Variants in SPTBN2 observed in about 807,000 individuals in gnomAD.
SPTBN2 encodes the protein spectrin beta, non-erythrocytic 2.
A neutral mutation model predicts 284.2 loss-of-function variants in SPTBN2; 107 were observed. That is an observed-to-expected ratio of 0.38 (90% CI 0.32 to 0.44). The LOEUF is 0.44. SPTBN2 is among the 20% of genes least tolerant of loss of function. The probability of loss-of-function intolerance (pLI) is 1.00; values close to 1 mark genes in which losing one functional copy is unlikely to be tolerated. For missense variants in SPTBN2, 2,569 were observed against 3,287.1 expected, an observed-to-expected ratio of 0.78 and a Z score of 5.34; for synonymous variants, 1,289 against 1,354.8, an observed-to-expected ratio of 0.95 and a Z score of 1.07.
chr11:66,693,329 T>C lies in SPTBN2; in HGVS notation c.4711A>G (p.Lys1571Glu). The C allele has an allele frequency of 1.9e-6, 3 of 1,611,114 alleles. No homozygotes were observed. The highest frequency in any genetic ancestry group is 2.7e-5 in the African/African-American group (2 of 75,068). ...PELAELQEMWKRLGHELELRG... is the reference protein window; with the variant it reads ...PELAELQEMWERLGHELELRG... ...AGTTCCAGCTCGTGGCCCAGGCGTT[T>C]CCACATTTCCTGCAGCTCAGCCAGC... is the stretch of plus-strand genomic sequence containing the variant. The change falls in exon 24 of 38, where the codon AAA becomes GAA. Residue 1571 changes from lysine to glutamate, a missense_variant. Physicochemically the swap from Lys to Glu is moderately conservative, Grantham distance 56 (BLOSUM62 1). This residue lies in a region of SPTBN2 where 1,130 missense variants were observed against 1,317.3 expected (regional missense o/e 0.86). Coordinates refer to ENST00000533211, the MANE Select transcript of SPTBN2 (RefSeq NM_006946.4). This position sits in a 1 kb window ranked among gnomAD's most constrained non-coding sequence, Gnocchi z 5.7.
At position 66,711,083 on chromosome 11, in the gene SPTBN2, CATCACTTACCCCAA is replaced by C. The variant is rs562303669; in HGVS notation, c.773-68_773-55del. ...CTCCCAGAAGTTCATCCATAACTTG[CATCACTTACCCCAA>C]ACCCTGGGCCTGCCCAGTCCTCCAA... On this transcript the variant is annotated intron_variant, in intron 8 of 37. Coordinates refer to ENST00000533211, the MANE Select transcript of SPTBN2 (RefSeq NM_006946.4). 1.6e-4 allele frequency: 234 copies of C among 1,455,300 alleles called. No homozygotes were observed. The African/African-American group carries it at 3.0e-3, about 19-fold the overall frequency. The allele number at this position is 1,455,300 out of a possible 1,614,324, so 90.1% of individuals were successfully genotyped here.
In SPTBN2 at chr11:66,700,767, C is replaced by A; in HGVS notation, c.3332G>T (p.Arg1111Leu). 6.2e-7 allele frequency: 1 copy of A among 1,602,108 alleles called. No homozygotes were observed. Among genetic ancestry groups the A allele is most frequent in the East Asian group, 2.2e-5 (1 of 44,872 alleles). Residue 1111 changes from arginine (R) to leucine (L), a missense_variant, in exon 17 of 38, where the codon CGG (arginine) becomes CTG (leucine). Arg to Leu is a moderately radical substitution (Grantham distance 102). Around this residue, in one of 6 missense-constraint regions of SPTBN2, gnomAD observed 1,012 missense variants for 1,248.9 expected, o/e 0.81. Coordinates refer to ENST00000533211, the MANE Select transcript of SPTBN2 (RefSeq NM_006946.4). The surrounding 1 kb of genome is among the most constrained non-coding windows in gnomAD (Gnocchi z 6.6). Reference protein sequence around the residue: ...EALLAQHAALRGEVERAQSEY... With the variant: ...EALLAQHAALLGEVERAQSEY... ...GCTCTGGGCCCGCTCCACCTCTCCC[C>A]GCAGGGCTGCATGTTGGGCCAGGAG... is the stretch of plus-strand genomic sequence containing the variant.
chr11:66,715,860 C>A lies in SPTBN2; in HGVS notation c.279G>T (p.Arg93Ser). ...TCTCTCCCGAGAGCACCTCGAGGAGCCTCAGCAGGTTGCGTCCGTCCCGGA... is the reference window on the plus strand; with the variant it reads ...TCTCTCCCGAGAGCACCTCGAGGAGACTCAGCAGGTTGCGTCCGTCCCGGA... Reference protein sequence around the residue: ...SDLRDGRNLLRLLEVLSGEIL... With the variant: ...SDLRDGRNLLSLLEVLSGEIL... Residue 93 changes from arginine (R) to serine (S), a missense_variant, in exon 4 of 38, where the codon AGG (arginine) becomes AGT (serine). By Grantham distance (110) the Arg-to-Ser change is moderately radical. This residue lies in a region of SPTBN2 where 304 missense variants were observed against 522.1 expected (regional missense o/e 0.58). Transcript: ENST00000533211. The surrounding 1 kb of genome is among the most constrained non-coding windows in gnomAD (Gnocchi z 5.3). The A allele has an allele frequency of 1.2e-6, 2 of 1,614,070 alleles. No homozygotes were observed. Among genetic ancestry groups the A allele is most frequent in the South Asian group, 1.1e-5 (1 of 91,056 alleles).
chr11:66,689,932 G>T lies in SPTBN2; in HGVS notation c.5822C>A (p.Ser1941Tyr). Residue 1941 changes from serine (S) to tyrosine (Y), a missense_variant, in exon 29 of 38, where the codon TCC becomes TAC. By Grantham distance (144) the Ser-to-Tyr change is moderately radical. Around this residue, in one of 6 missense-constraint regions of SPTBN2, gnomAD observed 1,130 missense variants for 1,317.3 expected, o/e 0.86. Transcript: ENST00000533211. ...DAQERPRDVS[S>Y]ADLVIKNQQG... ...CTGGTTCTTGATGACTAGATCCGCGGAGGACACATCCCTGGGGGGAGGCAG... is the reference window on the plus strand; with the variant it reads ...CTGGTTCTTGATGACTAGATCCGCGTAGGACACATCCCTGGGGGGAGGCAG... 1 of 1,613,990 alleles carries T rather than the reference G, an allele frequency of 6.2e-7. No homozygotes were observed. Among genetic ancestry groups the T allele is most frequent in the Non-Finnish European group, 8.5e-7 (1 of 1,179,998 alleles).
upstream of SPTBN2, among the ~76,000 whole-genome samples, chr11:66,729,660 A>C (rs1942766869): frequency 6.6e-6 from 1 of 152,054 alleles, no homozygotes; most frequent in East Asian, 1.9e-4. Context: ...TAGTCTATAA[A>C]ATGGGTTGGG....
chr11:66,690,851 CTT>C (rs1251977985), intron 27 of SPTBN2, among the ~76,000 whole-genome samples: 1 of 152,168 alleles, frequency 6.6e-6, no homozygotes, highest in Non-Finnish European at 1.5e-5. Context: ...GAGTTTCGCT[CTT>C]GTTGCCCAGG....
In SPTBN2 at chr11:66,688,285, C is replaced by T. The variant is rs1326076116; in HGVS notation, c.6258G>A (p.Lys2086=). The T allele has an allele frequency of 6.2e-7, 1 of 1,607,002 alleles. No individual in the cohort carries two copies. ...TALEEREKER[K]RKREEEERRK... ...GCCGCTCCTCCTCCTCCCTCTTTCT[C>T]TTTCGCTCCTTCTCCCGCTCCTCTA... Residue 2086 remains lysine (K), a synonymous_variant, in exon 32 of 38, where the codon AAG becomes AAA. Coordinates refer to ENST00000533211, the MANE Select transcript of SPTBN2 (RefSeq NM_006946.4).
intron 1 of SPTBN2, among the ~76,000 whole-genome samples, chr11:66,727,281 TTTG>T (rs1942652003): frequency 6.6e-6 from 1 of 152,156 alleles, no homozygotes; most frequent in South Asian, 2.1e-4. Context: ...GGAAAACTGG[TTTG>T]TTGCTACCTC....
Position 66,684,626 on chromosome 11 carries a change from C to A in SPTBN2, c.*1245G>T, listed in dbSNP as rs369992919. On this transcript the variant is annotated 3_prime_UTR_variant, in exon 38 of 38. Coordinates refer to ENST00000533211, the MANE Select transcript of SPTBN2 (RefSeq NM_006946.4). Reference sequence around the variant, plus strand: ...GTCCAGCTTGGCTGACAGAGTGAGACTCTGTCTCAAAAAAAAAAAAAAAAA... The same window carrying A: ...GTCCAGCTTGGCTGACAGAGTGAGAATCTGTCTCAAAAAAAAAAAAAAAAA... Among the ~76,000 whole-genome samples, 6 of 145,204 alleles carry A rather than the reference C, an allele frequency of 4.1e-5. No homozygotes were observed. Among genetic ancestry groups the A allele is most frequent in the East Asian group, 2.0e-4 (1 of 5,048 alleles).
At chr11:66,721,829 T>A (rs1299954680) in intron 1 of SPTBN2, among the ~76,000 whole-genome samples, 2 of 151,332 alleles carry the variant, frequency 1.3e-5, no homozygotes, top group East Asian at 4.0e-4. Flanking sequence ...GTGGATCACC[T>A]GAGGTCAGAA....
rs754076850 is a variant in SPTBN2 at position 66,685,849 on chromosome 11, T to C, written c.*22A>G. On this transcript the variant is annotated 3_prime_UTR_variant, in exon 38 of 38. Coordinates refer to ENST00000533211, the MANE Select transcript of SPTBN2 (RefSeq NM_006946.4). This position sits in a 1 kb window ranked among gnomAD's most constrained non-coding sequence, Gnocchi z 4.4. ...AGTTTCCTGAACGGAGGGAGGGAGT[T>C]GGCCTGGGACCTTGCCCCCAACTAC... is the stretch of plus-strand genomic sequence containing the variant. The C allele has an allele frequency of 4.4e-6, 7 of 1,608,936 alleles. No homozygotes were observed. The highest frequency in any genetic ancestry group is 6.0e-6 in the Non-Finnish European group (7 of 1,176,028).
chr11:66,712,757 T>C (rs1941937023), intron 8 of SPTBN2: 1 of 152,190 alleles, frequency 6.6e-6, no homozygotes, highest in African/African-American at 2.4e-5. Context: ...TGGAGTACTG[T>C]GGCTATTGAC....
Position 66,708,939 on chromosome 11 carries a change from G to A in SPTBN2, c.1154C>T (p.Thr385Met), listed in dbSNP as rs761216500. ...CGAGATGAGCCGGCCCTCGCGGGGC[G>A]TGTAGACCTTCTGGTTGTTGGCCCG... Reference protein sequence around the residue: ...KLRANNQKVYTPREGRLISDI... With the variant: ...KLRANNQKVYMPREGRLISDI... Residue 385 changes from threonine to methionine, a missense_variant, in exon 11 of 38, where the codon ACG (threonine) becomes ATG (methionine). This residue lies in a region of SPTBN2 where 304 missense variants were observed against 522.1 expected (regional missense o/e 0.58). Coordinates refer to ENST00000533211, the MANE Select transcript of SPTBN2 (RefSeq NM_006946.4). This position sits in a 1 kb window ranked among gnomAD's most constrained non-coding sequence, Gnocchi z 4.4. 1.9e-5 allele frequency: 30 copies of A among 1,613,936 alleles called. No homozygotes were observed. Among genetic ancestry groups the A allele is most frequent in the South Asian group, 5.5e-5 (5 of 91,076 alleles).
intron 1 of SPTBN2, among the ~76,000 whole-genome samples, chr11:66,736,494 C>G (rs1242739182): frequency 6.6e-6 from 1 of 152,192 alleles, no homozygotes; most frequent in Non-Finnish European, 1.5e-5. Context: ...TTCTCAATAC[C>G]TTTGAGTTTA....
At chr11:66,690,488 T>C in intron 27 of SPTBN2, 2 of 654,278 alleles carry the variant, frequency 3.1e-6, no homozygotes, top group Non-Finnish European at 5.1e-6. Flanking sequence ...ACACCTGGGC[T>C]TAACTGGGGG....
chr11:66,716,088 G>T, intron 3 of SPTBN2, 107 bp from the exon 4 acceptor site: 1 of 1,486,214 alleles, frequency 6.7e-7, no homozygotes, highest in Non-Finnish European at 9.3e-7. Context: ...GATGGGAAGC[G>T]GGGTCCTCTA....
At chr11:66,713,007 A>G (rs1331685707) in intron 8 of SPTBN2, 1 of 155,158 alleles carries the variant, frequency 6.4e-6, no homozygotes, top group Non-Finnish European at 1.4e-5. Context: ...CACCGTGGCC[A>G]GCAACATGTA....
Position 66,713,533 on chromosome 11 carries a change from G to A in SPTBN2, c.772+98C>T, listed in dbSNP as rs185332380. The A allele has an allele frequency of 6.9e-4, 610 of 885,036 alleles. 3 individuals are homozygous for A. The highest frequency in any genetic ancestry group is 9.9e-4 in the Non-Finnish European group (522 of 525,688). The allele number at this position is 885,036 out of a possible 1,614,324, so 54.8% of individuals were successfully genotyped here. ...CAAAGAAGCCCCTGTATCAGTTGGT[G>A]GTTACTCCATGTCTTCCCCCTCCGC... On this transcript the variant is annotated intron_variant, in intron 8 of 37. Coordinates refer to ENST00000533211, the MANE Select transcript of SPTBN2 (RefSeq NM_006946.4).
At position 66,710,707 on chromosome 11, in the gene SPTBN2, C is replaced by G. The variant is rs371571696; in HGVS notation, c.948G>C (p.Glu316Asp). The G allele has an allele frequency of 3.1e-6, 5 of 1,614,090 alleles. No homozygotes were observed. Among genetic ancestry groups the G allele is most frequent in the Non-Finnish European group, 4.2e-6 (5 of 1,180,040 alleles). Reference protein sequence around the residue: ...LVEKYESLASELLQWIEQTIV... With the variant: ...LVEKYESLASDLLQWIEQTIV... ...TCGTTTGCTCGATCCACTGCAGCAG[C>G]TCCGAGGCCAGGGACTCGTATTTCT... The change falls in exon 10 of 38, where the codon GAG becomes GAC. Residue 316 changes from glutamate to aspartate, a missense_variant. Around this residue, in one of 6 missense-constraint regions of SPTBN2, gnomAD observed 304 missense variants for 522.1 expected, o/e 0.58. Coordinates refer to ENST00000533211, the MANE Select transcript of SPTBN2 (RefSeq NM_006946.4). This position sits in a 1 kb window ranked among gnomAD's most constrained non-coding sequence, Gnocchi z 4.9.
Sources: gnomAD v4.1 joint callset for allele counts (sites outside exome capture counted in the v4.1 genomes callset) on GRCh38, gnomAD v4.1.1 for gene constraint, gnomAD v4.1.1 regional missense constraint, Gnocchi (gnomAD v3.1) non-coding constraint, MANE v1.5 for transcripts, NCBI Gene and HGNC (gene_info 2026-07-23, HGNC 2026-07-21) for gene names.